KLF16: variants seen among roughly 807,000 people sequenced by gnomAD.
KLF16 encodes Krueppel-like factor 16.
In KLF16, 6 loss-of-function variants were observed where a neutral mutation model predicts 6.1. That is an observed-to-expected ratio of 0.98 (90% CI 0.54 to 1.93). The LOEUF is 1.93. Among genes scored for constraint, KLF16 ranks in the 30% most tolerant of loss-of-function variants. The pLI is 0.01. For missense variants in KLF16, 355 were observed against 363.8 expected (o/e 0.98, Z 0.20); for synonymous variants, 211 against 176.5 (o/e 1.20, Z -1.55).
chr19:1,867,737 G>A (rs1043479415), upstream of KLF16, among the ~76,000 whole-genome samples: 1 of 151,482 alleles, frequency 6.6e-6, no homozygotes, highest in Admixed American at 6.6e-5. Context: ...GTGGTGGGGG[G>A]CCGCCTGTAA....
chr19:1,873,130 G>C, the KLF16 span, among the ~76,000 whole-genome samples: 1 of 152,318 alleles, frequency 6.6e-6, no homozygotes, highest in East Asian at 1.9e-4. Context: ...ACCCCAGAGG[G>C]CCCTCAGGTC....
At chr19:1,864,118 C>T (rs919882465), upstream of KLF16, among the ~76,000 whole-genome samples, 4 of 149,004 alleles carry the variant, frequency 2.7e-5, no homozygotes, top group African/African-American at 9.8e-5. Context: ...GCCCACCCCA[C>T]GCCGGGGCGC....
At position 1,857,631 on chromosome 19, in the gene KLF16, A is replaced by C. The variant is rs1242622055; in HGVS notation, c.458-2871T>G. Among the ~76,000 whole-genome samples, 1 of 150,532 alleles carries C rather than the reference A, an allele frequency of 6.6e-6. No individual in the cohort carries two copies. The highest frequency in any genetic ancestry group is 1.5e-5 in the Non-Finnish European group (1 of 67,584). ...CCAAGGGCCCTGGTTCCGACAGGGAAGCCTCACCTCCTGAGCTTGTCTGGG... is the reference window on the plus strand; with the variant it reads ...CCAAGGGCCCTGGTTCCGACAGGGACGCCTCACCTCCTGAGCTTGTCTGGG... On this transcript the variant is annotated intron_variant, in intron 1 of 1. Transcript: ENST00000250916. This position sits in a 1 kb window ranked among gnomAD's most constrained non-coding sequence, Gnocchi z 4.7.
At chr19:1,855,340 G>C (rs1306728428) in intron 1 of KLF16, among the ~76,000 whole-genome samples, 1 of 152,212 alleles carries the variant, frequency 6.6e-6, no homozygotes, top group African/African-American at 2.4e-5. Context: ...GGGCATGGGA[G>C]GAACCCGCAG....
intron 1 of KLF16, among the ~76,000 whole-genome samples, chr19:1,858,210 A>C (rs1599193296): frequency 6.6e-6 from 1 of 151,752 alleles, no homozygotes; most frequent in African/African-American, 2.4e-5. Flanking sequence ...TCCAGGCCCC[A>C]CCCTGCCCCT....
intron 1 of KLF16, 59 bp from the exon 2 acceptor site, chr19:1,854,819 A>C: frequency 1.3e-6 from 2 of 1,554,228 alleles, no homozygotes; most frequent in Non-Finnish European, 1.7e-6. Flanking sequence ...GATGACAGAC[A>C]CGTTCCAGCA....
upstream of KLF16, among the ~76,000 whole-genome samples, chr19:1,864,549 G>A (rs1474749934): frequency 1.3e-5 from 2 of 152,186 alleles, no homozygotes; most frequent in East Asian, 1.9e-4. Context: ...GGTCGGGATA[G>A]GGGGACGGGA....
Position 1,852,582 on chromosome 19 carries a change from C to T in KLF16, c.*1877G>A, listed in dbSNP as rs1417296094. The T allele has an allele frequency of 6.6e-6, 1 of 152,096 alleles. No individual in the cohort carries two copies. Among genetic ancestry groups the T allele is most frequent in the East Asian group, 1.9e-4 (1 of 5,180 alleles). 9.4% of individuals were successfully genotyped at this position (152,096 alleles called of 1,614,324 possible). ...GTGGAGGGGTGGGCGCAGGTCTCTC[C>T]AAGCCCCTGGACACTGGAGAGGGGC... On this transcript the variant is annotated 3_prime_UTR_variant, in exon 2 of 2. Coordinates refer to ENST00000250916, the MANE Select transcript of KLF16 (RefSeq NM_031918.4).
At position 1,854,387 on chromosome 19, in the gene KLF16, T is replaced by TC; in HGVS notation, c.*71dup. On this transcript the variant is annotated 3_prime_UTR_variant, in exon 2 of 2. Coordinates refer to ENST00000250916, the MANE Select transcript of KLF16 (RefSeq NM_031918.4). The stretch of plus-strand genomic sequence containing the variant: ...GCCCACGGCTGGAAGGGGCCCAGGC[T>TC]CCCCGTGGGTCCTCACTACACCCCT... 1 of 1,359,702 alleles carries TC rather than the reference T, an allele frequency of 7.4e-7. No individual in the cohort carries two copies. Among genetic ancestry groups the TC allele is most frequent in the Non-Finnish European group, 9.4e-7 (1 of 1,063,594 alleles). The allele number at this position is 1,359,702 out of a possible 1,614,324, so 84.2% of individuals were successfully genotyped here.
the KLF16 span, among the ~76,000 whole-genome samples, chr19:1,870,309 G>A: frequency 6.6e-6 from 1 of 152,076 alleles, no homozygotes. Context: ...ATGGCAGCAC[G>A]GCAGCAGCTC....
chr19:1,867,926 ACGTGTGTG>A (rs779981214), upstream of KLF16, among the ~76,000 whole-genome samples: 1 of 86,140 alleles, frequency 1.2e-5, no homozygotes, highest in Non-Finnish European at 2.3e-5. Context: ...ATATGTAAGG[ACGTGTGTG>A]TGTGTGTGTG....
In KLF16 at chr19:1,863,481, G is replaced by A. The variant is rs2012116397; in HGVS notation, c.17C>T (p.Ala6Val). 1.9e-6 allele frequency: 2 copies of A among 1,030,040 alleles called. No individual in the cohort carries two copies. The highest frequency in any genetic ancestry group is 5.6e-5 in the Admixed American group (1 of 17,938). 63.8% of individuals were successfully genotyped at this position (1,030,040 alleles called of 1,614,324 possible). The change falls in exon 1 of 2, where the codon GCG (alanine) becomes GTG (valine). Residue 6 changes from alanine (A) to valine (V), a missense_variant. Coordinates refer to ENST00000250916, the MANE Select transcript of KLF16 (RefSeq NM_031918.4). ...GTCGGCGGCGAAGTAATCCACGCACGCCACGGCCGCCGACATGCCGAGCAA... is the reference window on the plus strand; with the variant it reads ...GTCGGCGGCGAAGTAATCCACGCACACCACGGCCGCCGACATGCCGAGCAA... MSAAVACVDYFAADVL... is the reference protein window; with the variant it reads MSAAVVCVDYFAADVL...
intron 1 of KLF16, among the ~76,000 whole-genome samples, chr19:1,862,573 C>T (rs2012088102): frequency 6.6e-6 from 1 of 152,104 alleles, no homozygotes; most frequent in African/African-American, 2.4e-5. Context: ...GGGGAGAATC[C>T]GCGCGGCCAC....
intron 1 of KLF16, among the ~76,000 whole-genome samples, chr19:1,855,806 T>TC (rs1296056488): frequency 6.6e-6 from 1 of 152,152 alleles, no homozygotes; most frequent in Non-Finnish European, 1.5e-5. Context: ...GGGCCCTGCA[T>TC]CCCCGAAGCT....
Position 1,857,377 on chromosome 19 carries a change from C to A in KLF16, c.458-2617G>T, listed in dbSNP as rs1356653304. 2.6e-5 allele frequency among the ~76,000 whole-genome samples: 4 copies of A among 152,324 alleles called. No homozygotes were observed. Among genetic ancestry groups the A allele is most frequent in the Non-Finnish European group, 5.9e-5 (4 of 68,034 alleles). ...ACCCAGCTGCTCCGCGCTACCTGGC[C>A]GAGACGCAGCGCCCTGAGGATGCGG... On this transcript the variant is annotated intron_variant, in intron 1 of 1. Coordinates refer to ENST00000250916, the MANE Select transcript of KLF16 (RefSeq NM_031918.4). The surrounding 1 kb of genome is among the most constrained non-coding windows in gnomAD (Gnocchi z 4.7).
upstream of KLF16, among the ~76,000 whole-genome samples, chr19:1,866,124 T>C (rs2012184917): frequency 7.1e-6 from 1 of 141,432 alleles, no homozygotes; most frequent in Non-Finnish European, 1.5e-5. Flanking sequence ...GCCAATGTGG[T>C]GAAATCCCGT....
the KLF16 span, chr19:1,875,369 T>G: frequency 6.6e-6 from 1 of 152,192 alleles, no homozygotes; most frequent in African/African-American, 2.4e-5. Flanking sequence ...CGAGCTACGT[T>G]AAGTATAAGA....
At chr19:1,876,523 C>T in the KLF16 span, among the ~76,000 whole-genome samples, 2 of 152,234 alleles carry the variant, frequency 1.3e-5, no homozygotes, top group Admixed American at 1.3e-4. Flanking sequence ...TCTGCTGGAC[C>T]CCAGCTTCGC....
chr19:1,869,973 G>A, the KLF16 span, among the ~76,000 whole-genome samples: 4 of 117,192 alleles, frequency 3.4e-5, no homozygotes, highest in South Asian at 2.6e-4. Context: ...TCCCTCTGTC[G>A]CCAGGCTGGA....
Sources: gnomAD v4.1 joint callset for allele counts (sites outside exome capture counted in the v4.1 genomes callset) on GRCh38, gnomAD v4.1.1 for gene constraint, Gnocchi (gnomAD v3.1) non-coding constraint, MANE v1.5 for transcripts, NCBI Gene and HGNC (gene_info 2026-07-23, HGNC 2026-07-21) for gene names.